The following DLG2 variants were observed in gnomAD, a reference collection of about 807,000 sequenced individuals.
DLG2 encodes the protein discs large MAGUK scaffold protein 2.
Under a neutral mutation model 132.5 loss-of-function variants are expected in DLG2, and 45 were observed. The observed-to-expected ratio is 0.34, with a 90% confidence interval of 0.27 to 0.44. The LOEUF is 0.44. Among genes scored for constraint, DLG2 ranks in the 20% least tolerant of loss-of-function variants. The pLI, the probability that DLG2 is intolerant of heterozygous loss-of-function variation, is 1.00. For synonymous variants in DLG2, 424 were observed against 419.6 expected, an observed-to-expected ratio of 1.01 and a Z score of -0.13; for missense variants, 1,045 against 1,196.9, an observed-to-expected ratio of 0.87 and a Z score of 1.87.
chr11:84,749,987 A>G (rs1001725171), intron 6 of DLG2, among the ~76,000 whole-genome samples: 3 of 152,164 alleles, frequency 2.0e-5, no homozygotes, highest in African/African-American at 7.2e-5. Context: ...CTCAGCAAAT[A>G]TTTGTGTTTT....
intron 14 of DLG2, among the ~76,000 whole-genome samples, chr11:83,945,912 C>A (rs2083750732): frequency 6.7e-6 from 1 of 148,180 alleles, no homozygotes; most frequent in Non-Finnish European, 1.5e-5. Context: ...CCTTCTCTTT[C>A]CTTCTTTCCT....
At chr11:85,552,687 GA>G (rs1362112634) in intron 3 of DLG2, among the ~76,000 whole-genome samples, 2 of 151,268 alleles carry the variant, frequency 1.3e-5, no homozygotes, top group Admixed American at 1.3e-4. Flanking sequence ...TATTGCTGAA[GA>G]AAAAACTATT....
chr11:84,557,725 A>G (rs1239846840), intron 6 of DLG2, among the ~76,000 whole-genome samples: 2 of 152,046 alleles, frequency 1.3e-5, no homozygotes, highest in Non-Finnish European at 2.9e-5. Flanking sequence ...GAATAACAAA[A>G]CTAACAATAC....
intron 3 of DLG2, among the ~76,000 whole-genome samples, chr11:85,468,998 C>A (rs1177476475): frequency 6.6e-6 from 1 of 152,184 alleles, no homozygotes; most frequent in African/African-American, 2.4e-5. Context: ...TGGTTTCACT[C>A]TTTCCTTTAT....
intron 7 of DLG2, among the ~76,000 whole-genome samples, chr11:84,332,938 A>G (rs17147205): frequency 0.079 from 12,007 of 152,204 alleles, 649 homozygotes; most frequent in East Asian, 0.22. Flanking sequence ...ATAAGTCTCA[A>G]TTACACAGCT....
At chr11:84,079,683 C>T (rs1418038286) in intron 10 of DLG2, among the ~76,000 whole-genome samples, 1 of 152,148 alleles carries the variant, frequency 6.6e-6, no homozygotes, top group Non-Finnish European at 1.5e-5. Flanking sequence ...TTAGTTTTGT[C>T]ATTTCCCACA....
intron 2 of DLG2, among the ~76,000 whole-genome samples, chr11:85,621,583 T>C (rs2153276630): frequency 6.6e-6 from 1 of 152,328 alleles, no homozygotes; most frequent in South Asian, 2.1e-4. Flanking sequence ...CCAACTTTCA[T>C]GGATGACTTT....
intron 3 of DLG2, among the ~76,000 whole-genome samples, chr11:85,594,941 C>T (rs2079627221): frequency 6.6e-6 from 1 of 151,500 alleles, no homozygotes; most frequent in South Asian, 2.1e-4. Flanking sequence ...TGGTGCATGC[C>T]TGTAATCCCA....
intron 6 of DLG2, among the ~76,000 whole-genome samples, chr11:85,035,799 T>C (rs2061389262): frequency 1.3e-5 from 2 of 152,218 alleles, no homozygotes; most frequent in African/African-American, 4.8e-5. Flanking sequence ...CTACTGCCTT[T>C]GTTAGCTTTG....
At chr11:85,227,707 T>C (rs1290570210) in intron 4 of DLG2, among the ~76,000 whole-genome samples, 1 of 152,092 alleles carries the variant, frequency 6.6e-6, no homozygotes, top group South Asian at 2.1e-4. Context: ...CTCCAATGGC[T>C]TCCCATCTCA....
intron 6 of DLG2, among the ~76,000 whole-genome samples, chr11:85,065,527 A>G (rs2064773937): frequency 6.6e-6 from 1 of 151,194 alleles, no homozygotes. Flanking sequence ...TTCACAATCT[A>G]CATATCCAGC....
At chr11:84,311,297 G>C (rs534402822) in intron 7 of DLG2, among the ~76,000 whole-genome samples, 10 of 152,220 alleles carry the variant, frequency 6.6e-5, no homozygotes, top group South Asian at 6.2e-4. Context: ...ACATACTTTA[G>C]ATATCATTAA....
chr11:84,241,321 A>G (rs1399713740), intron 8 of DLG2, among the ~76,000 whole-genome samples: 1 of 152,244 alleles, frequency 6.6e-6, no homozygotes, highest in Admixed American at 6.5e-5. Flanking sequence ...AAGATCAACT[A>G]TTAATGAAAT....
chr11:85,464,005 T>TACACAC (rs1223293490), intron 3 of DLG2, among the ~76,000 whole-genome samples: 1 of 22,582 alleles, frequency 4.4e-5, no homozygotes, highest in Non-Finnish European at 1.7e-4. Flanking sequence ...CACACACACA[T>TACACAC]ACACACACAC....
intron 7 of DLG2, among the ~76,000 whole-genome samples, chr11:84,347,315 GC>G (rs1369770345): frequency 6.6e-6 from 1 of 152,122 alleles, no homozygotes; most frequent in Admixed American, 6.6e-5. Context: ...TTTCTATCAT[GC>G]CCACAACGTA....
intron 7 of DLG2, among the ~76,000 whole-genome samples, chr11:84,280,867 A>ATTTTTTTTTT (rs35970331): frequency 3.0e-5 from 2 of 67,708 alleles, no homozygotes; most frequent in African/African-American, 5.9e-5. Flanking sequence ...TGCCCAGCCA[A>ATTTTTTTTTT]TTTTTTTTTT....
At chr11:84,247,911 A>G (rs1159882371) in intron 8 of DLG2, among the ~76,000 whole-genome samples, 1 of 152,186 alleles carries the variant, frequency 6.6e-6, no homozygotes, top group African/African-American at 2.4e-5. Flanking sequence ...AGACTTTAAT[A>G]TATGTTAAAG....
chr11:85,370,625 C>T (rs749336053), intron 3 of DLG2, among the ~76,000 whole-genome samples: 13 of 152,122 alleles, frequency 8.5e-5, no homozygotes, highest in Admixed American at 1.3e-4. Flanking sequence ...AATTACCTTA[C>T]GGTACTCTGG....
At chr11:84,873,779 T>A in intron 6 of DLG2, among the ~76,000 whole-genome samples, 1 of 152,334 alleles carries the variant, frequency 6.6e-6, no homozygotes, top group Non-Finnish European at 1.5e-5. Context: ...TCTTTAACCA[T>A]CTTTCCTGAA....
Sources: allele counts gnomAD v4.1 joint callset (sites outside exome capture counted in the v4.1 genomes callset), GRCh38; gene constraint gnomAD v4.1.1; transcripts MANE v1.5; gene names NCBI Gene and HGNC (gene_info 2026-07-23, HGNC 2026-07-21).